The following LRP1B variants were observed in gnomAD, a reference collection of about 807,000 sequenced individuals.
The protein encoded by LRP1B is low-density lipoprotein receptor-related protein 1B.
Under a neutral mutation model 556.6 loss-of-function variants are expected in LRP1B, and 217 were observed. The ratio of observed to expected loss-of-function variants is 0.39; its 90% CI spans 0.35 to 0.44. LRP1B has a LOEUF of 0.44. LRP1B is among the 20% of genes least tolerant of loss of function. The pLI, the probability that LRP1B is intolerant of heterozygous loss-of-function variation, is 1.00. For synonymous variants in LRP1B, 2,047 were observed against 1,865.8 expected (o/e 1.10, Z -2.50); for missense variants, 5,053 against 5,620.8 (o/e 0.90, Z 3.23).
At chr2:141,689,542 TTATTGTA>T (rs66530704) in intron 2 of LRP1B, among the ~76,000 whole-genome samples, 19,707 of 151,670 alleles carry the variant, frequency 0.13, 1,423 homozygotes, top group South Asian at 0.17. Context: ...TGCTATTGCT[TTATTGTA>T]TATTGTATAT....
chr2:141,771,251 T>C (rs1694889296), intron 2 of LRP1B, among the ~76,000 whole-genome samples: 1 of 149,870 alleles, frequency 6.7e-6, no homozygotes, highest in African/African-American at 2.4e-5. Context: ...TTGATTATTA[T>C]TACTTAATTA....
At chr2:141,711,495 T>C (rs867357818) in intron 2 of LRP1B, among the ~76,000 whole-genome samples, 10 of 152,258 alleles carry the variant, frequency 6.6e-5, no homozygotes, top group African/African-American at 2.2e-4. Flanking sequence ...AGAGTGAGCA[T>C]GAGACAGCAA....
At chr2:140,882,756 A>T (rs1693512154) in intron 25 of LRP1B, among the ~76,000 whole-genome samples, 1 of 152,180 alleles carries the variant, frequency 6.6e-6, no homozygotes. Flanking sequence ...TGTGGCCAGG[A>T]GGCCGACTTA....
chr2:141,433,358 G>T (rs556966715), intron 3 of LRP1B, among the ~76,000 whole-genome samples: 1 of 152,024 alleles, frequency 6.6e-6, no homozygotes, highest in Non-Finnish European at 1.5e-5. Context: ...TAAGAAGAGC[G>T]TGTATTCTGC....
At chr2:141,522,712 G>T (rs1684568333) in intron 2 of LRP1B, among the ~76,000 whole-genome samples, 1 of 152,096 alleles carries the variant, frequency 6.6e-6, no homozygotes, top group Non-Finnish European at 1.5e-5. Context: ...TGTGTGGGTG[G>T]CTTAATGGAG....
At chr2:141,907,688 CT>C (rs967534699) in intron 1 of LRP1B, among the ~76,000 whole-genome samples, 9 of 152,020 alleles carry the variant, frequency 5.9e-5, no homozygotes, top group Admixed American at 3.3e-4. Flanking sequence ...AAAATGCAAA[CT>C]TTAAAGGATC....
chr2:140,600,793 T>A (rs1454052708), intron 42 of LRP1B, among the ~76,000 whole-genome samples: 3 of 128,502 alleles, frequency 2.3e-5, no homozygotes, highest in African/African-American at 8.0e-5. Flanking sequence ...TTTTTTTTTT[T>A]ACATAACTGC....
intron 32 of LRP1B, among the ~76,000 whole-genome samples, chr2:140,798,507 T>C (rs1048302492): frequency 6.6e-5 from 10 of 152,266 alleles, no homozygotes; most frequent in Middle Eastern, 3.4e-3. Flanking sequence ...TTTGTAATGA[T>C]GGGCCCAGAG....
At chr2:141,898,624 T>C (rs1329972409) in intron 1 of LRP1B, among the ~76,000 whole-genome samples, 2 of 152,122 alleles carry the variant, frequency 1.3e-5, no homozygotes, top group Non-Finnish European at 1.5e-5. Flanking sequence ...CAGGATGGAT[T>C]ATCTTCGACC....
chr2:141,060,143 T>C (rs761828424), intron 8 of LRP1B, among the ~76,000 whole-genome samples: 12 of 151,834 alleles, frequency 7.9e-5, no homozygotes, highest in Non-Finnish European at 1.5e-4. Context: ...ACAAAAACAT[T>C]TGATTTATCT....
intron 7 of LRP1B, among the ~76,000 whole-genome samples, chr2:141,098,704 C>T (rs1156588209): frequency 6.6e-6 from 1 of 152,194 alleles, no homozygotes; most frequent in Admixed American, 6.5e-5. Flanking sequence ...GTTGCCCAGG[C>T]TGGGGTGCGA....
intron 18 of LRP1B, among the ~76,000 whole-genome samples, chr2:140,967,390 G>T (rs1696262491): frequency 1.3e-5 from 2 of 151,708 alleles, no homozygotes; most frequent in African/African-American, 2.4e-5. Flanking sequence ...CATTGATTTT[G>T]TATCCTGAGA....
chr2:140,436,907 C>T (rs1686208866), intron 66 of LRP1B, among the ~76,000 whole-genome samples: 1 of 152,016 alleles, frequency 6.6e-6, no homozygotes, highest in African/African-American at 2.4e-5. Flanking sequence ...ACTGGATGCA[C>T]ACAACATTTT....
chr2:141,155,324 C>T lies in LRP1B; in HGVS notation c.1013+33097G>A, dbSNP rs531648461. Among the ~76,000 whole-genome samples, 13 of 151,680 alleles carry T rather than the reference C, an allele frequency of 8.6e-5. 1 individual carries two copies. Among genetic ancestry groups the T allele is most frequent in the Middle Eastern group, 6.8e-3 (2 of 294 alleles). ...TTTTTAAATAATTCACACAATAATG[C>T]TTTATATTTATATATGGTTTTGCAT... On this transcript the variant is annotated intron_variant, in intron 7 of 90. Transcript: ENST00000389484.
At chr2:142,043,797 C>G (rs1033922498) in intron 1 of LRP1B, among the ~76,000 whole-genome samples, 1 of 151,486 alleles carries the variant, frequency 6.6e-6, no homozygotes. Flanking sequence ...TTCGACTGAA[C>G]AGAGTGAGTA....
At chr2:141,516,690 CTCTTTT>C (rs1363194393) in intron 2 of LRP1B, among the ~76,000 whole-genome samples, 2 of 37,674 alleles carry the variant, frequency 5.3e-5, no homozygotes, top group African/African-American at 1.2e-4. Flanking sequence ...GTCTCTCTCT[CTCTTTT>C]TTTTTTTTTT....
chr2:141,812,906 T>C (rs1005626178), intron 1 of LRP1B, among the ~76,000 whole-genome samples: 1 of 151,830 alleles, frequency 6.6e-6, no homozygotes, highest in Non-Finnish European at 1.5e-5. Flanking sequence ...AAACAATGGA[T>C]GGCATCATAA....
intron 56 of LRP1B, among the ~76,000 whole-genome samples, chr2:140,494,209 G>A (rs1205019661): frequency 6.6e-6 from 1 of 152,086 alleles, no homozygotes; most frequent in Non-Finnish European, 1.5e-5. Flanking sequence ...GATACATAAT[G>A]TAACAAGACC....
chr2:140,520,065 A>G (rs757648057), intron 49 of LRP1B, among the ~76,000 whole-genome samples: 124 of 152,198 alleles, frequency 8.1e-4, no homozygotes, highest in Non-Finnish European at 1.5e-3. Context: ...TCAAGGATCT[A>G]GAACTAGAAA....
Sources: allele counts gnomAD v4.1 joint callset (sites outside exome capture counted in the v4.1 genomes callset), GRCh38; gene constraint gnomAD v4.1.1; transcripts MANE v1.5; gene names NCBI Gene and HGNC (gene_info 2026-07-23, HGNC 2026-07-21).